The following LRRIQ3 variants were observed in gnomAD, a reference collection of about 807,000 sequenced individuals.
The protein encoded by LRRIQ3 is leucine rich repeats and IQ motif containing 3.
In LRRIQ3, 75 loss-of-function variants were observed where a neutral mutation model predicts 59.3. That is an observed-to-expected ratio of 1.26 (90% CI 1.05 to 1.53). The LOEUF (loss-of-function observed/expected upper bound fraction) is 1.53. Ranked by LOEUF, LRRIQ3 falls within the 40% of genes most tolerant of loss-of-function variation. The probability of loss-of-function intolerance (pLI) is 0.00; values close to 1 mark genes in which losing one functional copy is unlikely to be tolerated. For synonymous variants in LRRIQ3, 250 were observed against 231.3 expected (o/e 1.08, Z -0.73); for missense variants, 831 against 710.0 (o/e 1.17, Z -1.94).
At chr1:74,135,006 A>G (rs1055391366) in intron 4 of LRRIQ3, among the ~76,000 whole-genome samples, 2 of 151,980 alleles carry the variant, frequency 1.3e-5, no homozygotes, top group African/African-American at 4.8e-5. Context: ...CAATCTGTCT[A>G]CAAAAGAAAC....
intron 4 of LRRIQ3, among the ~76,000 whole-genome samples, chr1:74,149,068 A>G (rs773114501): frequency 8.5e-5 from 13 of 152,056 alleles, no homozygotes; most frequent in Non-Finnish European, 1.8e-4. Context: ...TATTTTTTCT[A>G]TATCATTGGA....
At chr1:74,087,914 C>T (rs562471263) in intron 5 of LRRIQ3, among the ~76,000 whole-genome samples, 6 of 151,618 alleles carry the variant, frequency 4.0e-5, no homozygotes, top group African/African-American at 7.3e-5. Flanking sequence ...CTGGCCAATA[C>T]GGTGAAACCC....
chr1:74,085,361 A>T (rs1315049875), intron 5 of LRRIQ3, among the ~76,000 whole-genome samples: 1 of 151,522 alleles, frequency 6.6e-6, no homozygotes, highest in East Asian at 1.9e-4. Context: ...CCTGCCATAA[A>T]ATGGCTAATA....
intron 3 of LRRIQ3, among the ~76,000 whole-genome samples, chr1:74,175,960 A>C (rs1031029454): frequency 6.6e-6 from 1 of 151,788 alleles, no homozygotes; most frequent in African/African-American, 2.4e-5. Flanking sequence ...TATATTTAGA[A>C]CAACCTGAGA....
chr1:74,047,324 C>T (rs990882879), intron 6 of LRRIQ3, among the ~76,000 whole-genome samples: 20 of 152,126 alleles, frequency 1.3e-4, no homozygotes, highest in African/African-American at 4.6e-4. Context: ...CCATCATTCT[C>T]AGCAAACTAA....
At chr1:74,098,749 C>T (rs1386294291) in intron 5 of LRRIQ3, among the ~76,000 whole-genome samples, 1 of 152,184 alleles carries the variant, frequency 6.6e-6, no homozygotes, top group African/African-American at 2.4e-5. Context: ...CATTCAGAAA[C>T]TCACTCAAAA....
At chr1:74,183,034 T>C (rs1308154757) in intron 2 of LRRIQ3, 173 bp from the exon 3 acceptor site, 2 of 432,168 alleles carry the variant, frequency 4.6e-6, no homozygotes, top group Non-Finnish European at 8.1e-6. Context: ...AAAACCATAA[T>C]ACACTGGGTA....
intron 3 of LRRIQ3, among the ~76,000 whole-genome samples, chr1:74,158,311 A>T (rs1467697800): frequency 6.6e-6 from 1 of 152,196 alleles, no homozygotes. Context: ...CTAGATTAAT[A>T]TATTTATTGG....
intron 7 of LRRIQ3, among the ~76,000 whole-genome samples, chr1:74,030,550 C>A (rs1569992003): frequency 6.6e-6 from 1 of 152,262 alleles, no homozygotes; most frequent in East Asian, 1.9e-4. Context: ...GGAAAACTGG[C>A]TAGCCATATG....
At chr1:74,129,167 A>G (rs987200429) in intron 4 of LRRIQ3, among the ~76,000 whole-genome samples, 3 of 152,062 alleles carry the variant, frequency 2.0e-5, no homozygotes, top group Admixed American at 2.0e-4. Context: ...TGGTGAAGCC[A>G]GCCAGGCTTG....
At chr1:74,076,531 A>T (rs1646212630) in intron 5 of LRRIQ3, among the ~76,000 whole-genome samples, 1 of 152,114 alleles carries the variant, frequency 6.6e-6, no homozygotes, top group Non-Finnish European at 1.5e-5. Context: ...GATATGTCAC[A>T]GCTGACAGAA....
At chr1:74,068,557 C>A (rs1197367942) in intron 6 of LRRIQ3, among the ~76,000 whole-genome samples, 1 of 152,002 alleles carries the variant, frequency 6.6e-6, no homozygotes, top group African/African-American at 2.4e-5. Flanking sequence ...TCAAACATAT[C>A]TGATTTAAAT....
intron 6 of LRRIQ3, among the ~76,000 whole-genome samples, chr1:74,058,645 T>G (rs935078708): frequency 2.6e-5 from 4 of 152,040 alleles, no homozygotes; most frequent in Non-Finnish European, 5.9e-5. Context: ...GTTCTAGTGT[T>G]TTGTAGCACT....
intron 5 of LRRIQ3, among the ~76,000 whole-genome samples, chr1:74,091,355 T>G (rs2100517236): frequency 6.6e-6 from 1 of 152,176 alleles, no homozygotes; most frequent in Middle Eastern, 3.4e-3. Flanking sequence ...GGCCTAAAAT[T>G]TTCACAATTG....
chr1:74,029,341 G>A (rs1653622919), intron 7 of LRRIQ3, among the ~76,000 whole-genome samples: 1 of 152,092 alleles, frequency 6.6e-6, no homozygotes, highest in African/African-American at 2.4e-5. Context: ...GTATGACATT[G>A]GCTGTGGGTT....
At chr1:74,185,178 T>A (rs1358546236) in intron 1 of LRRIQ3, among the ~76,000 whole-genome samples, 3 of 152,322 alleles carry the variant, frequency 2.0e-5, no homozygotes, top group Admixed American at 6.5e-5. Flanking sequence ...CCAAGGAGTT[T>A]GTTTGCTGAA....
At position 74,182,616 on chromosome 1, in the gene LRRIQ3, AATT is replaced by A; in HGVS notation, c.492_494del (p.Ile165del). On this transcript the variant is annotated inframe_deletion, in exon 3 of 8. Coordinates refer to ENST00000354431, the MANE Select transcript of LRRIQ3 (RefSeq NM_001105659.2). ...ATCTTTCAGGAAGATGCCAGTTCTG[AATT>A]ATTTCTTCATCAGAAATCACATGAT... 1.2e-6 allele frequency: 2 copies of A among 1,609,194 alleles called. No homozygotes were observed. Among genetic ancestry groups the A allele is most frequent in the Non-Finnish European group, 1.7e-6 (2 of 1,177,364 alleles).
At chr1:74,170,063 T>C (rs1479893313) in intron 3 of LRRIQ3, among the ~76,000 whole-genome samples, 2 of 152,180 alleles carry the variant, frequency 1.3e-5, no homozygotes, top group African/African-American at 2.4e-5. Context: ...GTTCCTTATA[T>C]AATTTAGAAA....
intron 4 of LRRIQ3, among the ~76,000 whole-genome samples, chr1:74,140,660 A>G (rs1647220519): frequency 1.3e-5 from 2 of 151,832 alleles, no homozygotes; most frequent in Admixed American, 6.6e-5. Context: ...GCAAATCTCA[A>G]TGAAATTCAA....
Sources: gnomAD v4.1 joint callset for allele counts (sites outside exome capture counted in the v4.1 genomes callset) on GRCh38, gnomAD v4.1.1 for gene constraint, MANE v1.5 for transcripts, NCBI Gene and HGNC (gene_info 2026-07-23, HGNC 2026-07-21) for gene names.